ZFP62: variants seen among roughly 807,000 people sequenced by gnomAD.
ZFP62 encodes the protein ZFP62 zinc finger protein.
A neutral mutation model predicts 56.4 loss-of-function variants in ZFP62; 44 were observed. The ratio of observed to expected loss-of-function variants is 0.78; its 90% CI spans 0.61 to 1.00. The LOEUF (loss-of-function observed/expected upper bound fraction) is 1.00, where lower values mean the gene tolerates loss of function less well. Among genes scored for constraint, ZFP62 ranks in the 50% least tolerant of loss-of-function variants. The pLI, the probability that ZFP62 is intolerant of heterozygous loss-of-function variation, is 0.00. For synonymous variants in ZFP62, 421 were observed against 388.9 expected, an observed-to-expected ratio of 1.08 and a Z score of -0.97; for missense variants, 1,030 against 1,085.7, an observed-to-expected ratio of 0.95 and a Z score of 0.72.
chr5:180,858,170 T>C (rs142201767), intron 1 of ZFP62, among the ~76,000 whole-genome samples: 1 of 134,266 alleles, frequency 7.4e-6, no homozygotes, highest in African/African-American at 2.8e-5. Context: ...AGCAGGAGAA[T>C]TGCCTGAATC....
chr5:180,831,185 C>CCCGCCG, the ZFP62 span: 1,401 of 154,976 alleles, frequency 9.0e-3, 25 homozygotes, highest in African/African-American at 0.032. Context: ...GTTCTCACAG[C>CCCGCCG]CCGCCGCCGC....
the ZFP62 span, chr5:180,832,679 G>T: frequency 6.6e-6 from 1 of 152,168 alleles, no homozygotes; most frequent in African/African-American, 2.4e-5. Flanking sequence ...TTAGGTACCA[G>T]TCAGGACTGG....
chr5:180,829,329 CTT>C, the ZFP62 span, among the ~76,000 whole-genome samples: 1 of 152,176 alleles, frequency 6.6e-6, no homozygotes, highest in Non-Finnish European at 1.5e-5. Flanking sequence ...AGCATGTGAT[CTT>C]TGTTCTGCCT....
chr5:180,835,988 G>A, the ZFP62 span, among the ~76,000 whole-genome samples: 1 of 152,112 alleles, frequency 6.6e-6, no homozygotes, highest in African/African-American at 2.4e-5. Context: ...TTATTTTTAC[G>A]GTACCTTTTC....
chr5:180,836,976 CCA>C, the ZFP62 span, among the ~76,000 whole-genome samples: 1 of 152,110 alleles, frequency 6.6e-6, no homozygotes, highest in Non-Finnish European at 1.5e-5. Flanking sequence ...GCTATAAAAC[CCA>C]CATTTTTCTG....
intron 1 of ZFP62, chr5:180,860,734 A>C: frequency 1.9e-5 from 3 of 156,586 alleles, no homozygotes; most frequent in Non-Finnish European, 4.2e-5. Flanking sequence ...GCGGAGGGGA[A>C]GAAGGTCGAA....
Position 180,858,237 on chromosome 5 carries a change from A to G in ZFP62, c.1+2982T>C, listed in dbSNP as rs188913056. ...GTGCCATTGCACTTCAGCCTGGGCA[A>G]GAAGAGTGAAACTCTGTCTCAAAAA... is the stretch of plus-strand genomic sequence containing the variant. On this transcript the variant is annotated intron_variant, in intron 1 of 1. Transcript: ENST00000502412. Among the ~76,000 whole-genome samples the G allele has an allele frequency of 2.2e-3, 262 of 121,524 alleles. 2 individuals carry two copies. The highest frequency in any genetic ancestry group is 7.1e-3 in the African/African-American group (247 of 34,560). 79.7% of individuals were successfully genotyped at this position (121,524 alleles called of 152,430 possible). A position where few individuals can be genotyped will look rare whatever the true frequency, so the allele number is the denominator to read the frequency against.
the ZFP62 span, among the ~76,000 whole-genome samples, chr5:180,826,905 G>C: frequency 6.6e-6 from 1 of 152,220 alleles, no homozygotes; most frequent in African/African-American, 2.4e-5. Flanking sequence ...TTGAGATGGA[G>C]TTGAGAAAGC....
At chr5:180,842,496 T>TAA in the ZFP62 span, among the ~76,000 whole-genome samples, 6,128 of 152,220 alleles carry the variant, frequency 0.04, 167 homozygotes, top group South Asian at 0.091. Flanking sequence ...AAGAATACAT[T>TAA]AAACTGGCAG....
chr5:180,856,069 G>A (rs1403292124), intron 1 of ZFP62, among the ~76,000 whole-genome samples: 2 of 152,168 alleles, frequency 1.3e-5, no homozygotes, highest in Non-Finnish European at 2.9e-5. Flanking sequence ...CCTGTCCTCT[G>A]GGATTCCATG....
the ZFP62 span, chr5:180,829,828 G>C: frequency 8.5e-5 from 13 of 152,768 alleles, no homozygotes; most frequent in East Asian, 2.5e-3. Context: ...AGGAAAGCCT[G>C]GGGTGGGGGT....
At chr5:180,857,744 G>A (rs1342900157) in intron 1 of ZFP62, among the ~76,000 whole-genome samples, 3 of 150,744 alleles carry the variant, frequency 2.0e-5, no homozygotes, top group East Asian at 3.9e-4. Context: ...GGATCCACCC[G>A]TCTCAGCCTC....
chr5:180,857,971 G>A (rs1403578484), intron 1 of ZFP62, among the ~76,000 whole-genome samples: 1 of 151,776 alleles, frequency 6.6e-6, no homozygotes, highest in Non-Finnish European at 1.5e-5. Context: ...AAAAACTTTA[G>A]GCCGGGTACA....
At chr5:180,860,093 TAG>T (rs545799613) in intron 1 of ZFP62, among the ~76,000 whole-genome samples, 68 of 152,270 alleles carry the variant, frequency 4.5e-4, no homozygotes, top group Admixed American at 1.2e-3. Flanking sequence ...TTCTGACATG[TAG>T]AGACCAGTAA....
chr5:180,854,536 G>A (rs1245023772), intron 1 of ZFP62, among the ~76,000 whole-genome samples: 2 of 152,230 alleles, frequency 1.3e-5, no homozygotes, highest in Admixed American at 1.3e-4. Flanking sequence ...CTGACAAGGA[G>A]CAGGATATCC....
Position 180,848,916 on chromosome 5 carries a change from CT to C in ZFP62, c.2578del (p.Arg860GlufsTer9), listed in dbSNP as rs940981889. The C allele has an allele frequency of 6.4e-6, 10 of 1,551,718 alleles. No individual in the cohort carries two copies. Among genetic ancestry groups the C allele is most frequent in the Non-Finnish European group, 7.8e-6 (9 of 1,147,004 alleles). ...TAAAGATTCCTCTCCAGTATGGGTT[CT>C]TTTATGCTTGGTGAGATTTGATCTG... ...NIRSNLTKHKRTHTGEESLNV... is the reference protein window; with the variant it reads ...NIRSNLTKHKXTHTGEESLNV... On this transcript the variant is annotated frameshift_variant, in exon 2 of 2. Transcript: ENST00000502412. LOFTEE classifies it high-confidence loss of function.
rs1561902959 is a variant in ZFP62, at chr5:180,849,773, CGAGA to C, written c.1718_1721del (p.Leu573ArgfsTer4). ...GTACACTTTTATGATTTATAAGGCTCGAGAGAGAGATGTATGCTTTCCCACATTC... is the reference window on the plus strand; with the variant it reads ...GTACACTTTTATGATTTATAAGGCTCGAGAGATGTATGCTTTCCCACATTC... On this transcript the variant is annotated frameshift_variant, in exon 2 of 2. Transcript: ENST00000502412. LOFTEE classifies it high-confidence loss of function. The C allele has an allele frequency of 1.3e-5, 20 of 1,551,306 alleles. No individual in the cohort carries two copies. The highest frequency in any genetic ancestry group is 1.7e-5 in the Non-Finnish European group (20 of 1,146,998).
intron 1 of ZFP62, among the ~76,000 whole-genome samples, chr5:180,853,009 T>G (rs1419146466): frequency 6.6e-6 from 1 of 152,220 alleles, no homozygotes; most frequent in Non-Finnish European, 1.5e-5. Context: ...GCACAGCCCC[T>G]TTTAAGGGGA....
In ZFP62 at chr5:180,849,569, C is replaced by A; in HGVS notation, c.1926G>T (p.Glu642Asp). ...CACACCTGTCACATTCATAGGGTTTCTCTCTAGTGTGGACCCTTCTGTGCT... is the reference window on the plus strand; with the variant it reads ...CACACCTGTCACATTCATAGGGTTTATCTCTAGTGTGGACCCTTCTGTGCT... ...LSQHRRVHTREKPYECDRCEK... is the reference protein window; with the variant it reads ...LSQHRRVHTRDKPYECDRCEK... Residue 642 changes from glutamate (E) to aspartate (D), a missense_variant, in exon 2 of 2, where the codon GAG becomes GAT. Transcript: ENST00000502412. The A allele has an allele frequency of 6.4e-7, 1 of 1,552,138 alleles. No homozygotes were observed.
Sources: allele counts gnomAD v4.1 joint callset (sites outside exome capture counted in the v4.1 genomes callset), GRCh38; gene constraint gnomAD v4.1.1; transcripts MANE v1.5; gene names NCBI Gene and HGNC (gene_info 2026-07-23, HGNC 2026-07-21).